Variants in CCL17 observed in about 807,000 individuals in gnomAD.
CCL17 encodes the protein C-C motif chemokine ligand 17.
A neutral mutation model predicts 7.4 loss-of-function variants in CCL17; 8 were observed. The ratio of observed to expected loss-of-function variants is 1.09; its 90% CI spans 0.64 to 1.96. CCL17 has a LOEUF of 1.96. Ranked by LOEUF, CCL17 falls within the 30% of genes most tolerant of loss-of-function variation. The pLI is 0.00. For missense variants in CCL17, 102 were observed against 113.0 expected, an observed-to-expected ratio of 0.90 and a Z score of 0.44; for synonymous variants, 40 against 46.1, an observed-to-expected ratio of 0.87 and a Z score of 0.54.
At chr16:57,410,992 GC>G (rs1172493012) in intron 1 of CCL17, among the ~76,000 whole-genome samples, 5 of 152,198 alleles carry the variant, frequency 3.3e-5, no homozygotes, top group African/African-American at 1.2e-4. Flanking sequence ...GGGGTTTCAT[GC>G]TGTTGCCCTA....
Position 57,413,990 on chromosome 16 carries a change from C to T in CCL17, c.58C>T (p.His20Tyr), listed in dbSNP as rs1386059772. 1 of 1,611,460 alleles carries T rather than the reference C, an allele frequency of 6.2e-7. No homozygotes were observed. The highest frequency in any genetic ancestry group is 1.7e-5 in the Admixed American group (1 of 59,718). Residue 20 changes from histidine to tyrosine, a missense_variant, in exon 2 of 4, where the codon CAC becomes TAC. By Grantham distance (83) the His-to-Tyr change is moderately conservative (BLOSUM62 2). Coordinates refer to ENST00000219244, the MANE Select transcript of CCL17 (RefSeq NM_002987.3). ...VTLLLGASLQ[H>Y]IHAARGTNVG... Reference sequence around the variant, plus strand: ...CCTCCTCCTGGGGGCTTCTCTGCAGCACATCCACGCAGGTGAGAGCAGGGG... The same window carrying T: ...CCTCCTCCTGGGGGCTTCTCTGCAGTACATCCACGCAGGTGAGAGCAGGGG...
At chr16:57,400,511 T>G (rs147729929), upstream of CCL17, among the ~76,000 whole-genome samples, 232 of 152,116 alleles carry the variant, frequency 1.5e-3, 2 homozygotes, top group African/African-American at 5.4e-3. Flanking sequence ...CCAATGGTCA[T>G]TCCTTGCAGA....
upstream of CCL17, among the ~76,000 whole-genome samples, chr16:57,403,698 C>A (rs1902654853): frequency 8.5e-6 from 1 of 117,108 alleles, no homozygotes. Context: ...GCTCTGTTGC[C>A]CAGGCTGGAG....
the CCL17 span, among the ~76,000 whole-genome samples, chr16:57,397,252 T>C: frequency 1.3e-5 from 2 of 152,240 alleles, no homozygotes; most frequent in African/African-American, 2.4e-5. Flanking sequence ...CCGGAGGAGA[T>C]TTGGCCCTGT....
chr16:57,413,356 C>T (rs1482156685), intron 1 of CCL17, among the ~76,000 whole-genome samples: 4 of 152,122 alleles, frequency 2.6e-5, no homozygotes, highest in Admixed American at 2.6e-4. Flanking sequence ...CCATGCCCGG[C>T]AGCCAGGGTG....
chr16:57,404,720 A>G (rs1177611683), upstream of CCL17: 4 of 154,288 alleles, frequency 2.6e-5, no homozygotes, highest in Non-Finnish European at 5.9e-5. Context: ...AAAGCCTTCT[A>G]ATGTAATTAT....
the CCL17 span, among the ~76,000 whole-genome samples, chr16:57,397,615 A>G: frequency 0.019 from 2,843 of 152,256 alleles, 31 homozygotes; most frequent in South Asian, 0.03. Context: ...GGGGTCTTGC[A>G]CTGCATGCGA....
chr16:57,413,960 G>A lies in CCL17; in HGVS notation c.28G>A (p.Val10Ile). The change falls in exon 2 of 4, where the codon GTC (valine) becomes ATC (isoleucine). Residue 10 changes from valine (V) to isoleucine (I), a missense_variant. Physicochemically the swap from Val to Ile is conservative, Grantham distance 29. Transcript: ENST00000219244. MAPLKMLAL[V>I]TLLLGASLQH... Reference sequence around the variant, plus strand: ...GGCCCCACTGAAGATGCTGGCCCTGGTCACCCTCCTCCTGGGGGCTTCTCT... The same window carrying A: ...GGCCCCACTGAAGATGCTGGCCCTGATCACCCTCCTCCTGGGGGCTTCTCT... 4 of 1,610,810 alleles carry A rather than the reference G, an allele frequency of 2.5e-6. 1 individual carries two copies. In the South Asian group the frequency reaches 4.4e-5, roughly 18 times the overall value.
At chr16:57,403,437 AAT>A (rs377117688), upstream of CCL17, among the ~76,000 whole-genome samples, 20 of 14,144 alleles carry the variant, frequency 1.4e-3, 2 homozygotes, top group Non-Finnish European at 1.8e-3. Flanking sequence ...TATATATTAT[AAT>A]ATATATATTA....
At chr16:57,402,742 C>T (rs1354764669), upstream of CCL17, among the ~76,000 whole-genome samples, 4 of 152,088 alleles carry the variant, frequency 2.6e-5, no homozygotes, top group African/African-American at 4.8e-5. Flanking sequence ...TGAGACAAGT[C>T]CATTGGTAAG....
intron 1 of CCL17, among the ~76,000 whole-genome samples, chr16:57,408,586 C>T (rs1343357198): frequency 6.8e-6 from 1 of 147,368 alleles, no homozygotes; most frequent in African/African-American, 2.6e-5. Flanking sequence ...TTTTTTTTTT[C>T]GAGATGGAGT....
the CCL17 span, among the ~76,000 whole-genome samples, chr16:57,398,159 A>T: frequency 1.3e-5 from 2 of 152,154 alleles, no homozygotes; most frequent in African/African-American, 4.8e-5. Context: ...GGCACCTAGT[A>T]TGCCATTTAC....
Position 57,415,733 on chromosome 16 carries a change from GC to G in CCL17, c.189-30del. 1 of 1,442,976 alleles carries G rather than the reference GC, an allele frequency of 6.9e-7. No individual in the cohort carries two copies. The highest frequency in any genetic ancestry group is 9.8e-7 in the Non-Finnish European group (1 of 1,023,878). The allele number at this position is 1,442,976 out of a possible 1,614,324, so 89.4% of individuals were successfully genotyped here. On this transcript the variant is annotated intron_variant, in intron 3 of 3. Transcript: ENST00000219244. This position sits in a 1 kb window ranked among gnomAD's most constrained non-coding sequence, Gnocchi z 4.5. ...GGACTCTGGGGGCCCTTCCCCCCCT[GC>G]CACTCCTGGTAACGTCCTCCTTCTG...
chr16:57,416,014 T>C lies in CCL17; in HGVS notation c.*153T>C. 1 of 603,956 alleles carries C rather than the reference T, an allele frequency of 1.7e-6. No individual in the cohort carries two copies. Among genetic ancestry groups the C allele is most frequent in the Non-Finnish European group, 3.0e-6 (1 of 334,670 alleles). The allele number at this position is 603,956 out of a possible 1,614,324, so 37.4% of individuals were successfully genotyped here. A position where few individuals can be genotyped will look rare whatever the true frequency, so the allele number is the denominator to read the frequency against. On this transcript the variant is annotated 3_prime_UTR_variant, in exon 4 of 4. Coordinates refer to ENST00000219244, the MANE Select transcript of CCL17 (RefSeq NM_002987.3). ...GTGAGGGAGATCCCATCCCCTTGTC[T>C]GAACTGGAGCCATGGGCACAAAGGG...
chr16:57,414,410 C>CTTT lies in CCL17; in HGVS notation c.70+432_70+434dup, dbSNP rs71152269. Among the ~76,000 whole-genome samples the CTTT allele has an allele frequency of 1.4e-3, 110 of 75,992 alleles. 13 individuals carry two copies. The highest frequency in any genetic ancestry group is 2.4e-3 in the African/African-American group (43 of 17,816). The allele number at this position is 75,992 out of a possible 152,430, so 49.9% of individuals were successfully genotyped here. Reference sequence around the variant, plus strand: ...TTCCAAGAGCATGTAAAAAAGGATTCTTTTTTTTTTTTTTTTTTTTTTTTT... The same window carrying CTTT: ...TTCCAAGAGCATGTAAAAAAGGATTCTTTTTTTTTTTTTTTTTTTTTTTTTTTT... On this transcript the variant is annotated intron_variant, in intron 2 of 3. Coordinates refer to ENST00000219244, the MANE Select transcript of CCL17 (RefSeq NM_002987.3).
At chr16:57,408,437 G>A (rs1292442681) in intron 1 of CCL17, among the ~76,000 whole-genome samples, 1 of 151,996 alleles carries the variant, frequency 6.6e-6, no homozygotes, top group East Asian at 1.9e-4. Context: ...TTTGAGACAG[G>A]GTCTCACTCT....
upstream of CCL17, among the ~76,000 whole-genome samples, chr16:57,401,352 C>T (rs1030091517): frequency 1.2e-4 from 18 of 151,862 alleles, no homozygotes; most frequent in African/African-American, 4.1e-4. Context: ...GGTGGAACCC[C>T]GTCTCTACTA....
upstream of CCL17, among the ~76,000 whole-genome samples, chr16:57,403,129 AATAT>A (rs1429795200): frequency 1.9e-5 from 2 of 104,952 alleles, no homozygotes; most frequent in Non-Finnish European, 3.6e-5. Flanking sequence ...TAATATATAT[AATAT>A]ATATTATTAT....
rs769417895 is a variant in CCL17, at chr16:57,415,126, A to T, written c.116A>T (p.Lys39Met). Residue 39 changes from lysine to methionine, a missense_variant, in exon 3 of 4, where the codon AAG becomes ATG. Transcript: ENST00000219244. The surrounding 1 kb of genome is among the most constrained non-coding windows in gnomAD (Gnocchi z 4.5). Reference protein sequence around the residue: ...VGRECCLEYFKGAIPLRKLKT... With the variant: ...VGRECCLEYFMGAIPLRKLKT... ...CGGGAGTGCTGCCTGGAGTACTTCA[A>T]GGGAGCCATTCCCCTTAGAAAGCTG... 4 of 1,614,040 alleles carry T rather than the reference A, an allele frequency of 2.5e-6. No individual in the cohort carries two copies. Among genetic ancestry groups the T allele is most frequent in the Non-Finnish European group, 3.4e-6 (4 of 1,179,922 alleles).
Sources: gnomAD v4.1 joint callset for allele counts (sites outside exome capture counted in the v4.1 genomes callset) on GRCh38, gnomAD v4.1.1 for gene constraint, Gnocchi (gnomAD v3.1) non-coding constraint, MANE v1.5 for transcripts, NCBI Gene and HGNC (gene_info 2026-07-23, HGNC 2026-07-21) for gene names.